Variants in MGRN1 observed in about 807,000 individuals in gnomAD.
MGRN1 encodes mahogunin ring finger 1.
A neutral mutation model predicts 69.2 loss-of-function variants in MGRN1; 29 were observed. That is an observed-to-expected ratio of 0.42 (90% CI 0.31 to 0.57). The LOEUF is 0.57. Among genes scored for constraint, MGRN1 ranks in the 20% least tolerant of loss-of-function variants. The probability of loss-of-function intolerance (pLI) is 0.15; values close to 1 mark genes in which losing one functional copy is unlikely to be tolerated. For missense variants in MGRN1, 998 were observed against 796.2 expected, an observed-to-expected ratio of 1.25 and a Z score of -3.05; for synonymous variants, 470 against 344.2, an observed-to-expected ratio of 1.37 and a Z score of -4.04.
At chr16:4,674,578 C>CTTTTTTTTTT (rs113342903) in intron 10 of MGRN1, among the ~76,000 whole-genome samples, 1 of 119,018 alleles carries the variant, frequency 8.4e-6, no homozygotes, top group Non-Finnish European at 1.7e-5. Context: ...TGAGCCACCG[C>CTTTTTTTTTT]TTTTTTTTTT....
chr16:4,656,708 C>T (rs1239587306), intron 4 of MGRN1, among the ~76,000 whole-genome samples: 2 of 151,962 alleles, frequency 1.3e-5, no homozygotes, highest in African/African-American at 4.8e-5. Context: ...TGGTGAAACC[C>T]CATCTGTACT....
intron 1 of MGRN1, among the ~76,000 whole-genome samples, chr16:4,646,168 C>T (rs1010402132): frequency 5.3e-5 from 8 of 152,100 alleles, no homozygotes; most frequent in South Asian, 2.1e-4. Flanking sequence ...CGGTGGCTCA[C>T]GCCTGTAATC....
intron 4 of MGRN1, among the ~76,000 whole-genome samples, 163 bp from the exon 5 acceptor site, chr16:4,657,083 G>A (rs569227340): frequency 6.6e-6 from 1 of 152,288 alleles, no homozygotes; most frequent in East Asian, 1.9e-4. Flanking sequence ...GGCCCTGGAA[G>A]GGTGAGGGCC....
chr16:4,682,890 G>T lies in MGRN1; in HGVS notation c.1426G>T (p.Ala476Ser). Residue 476 changes from alanine to serine, a missense_variant, in exon 14 of 17, where the codon GCC becomes TCC. By Grantham distance (99) the Ala-to-Ser change is moderately conservative. Coordinates refer to ENST00000262370, the MANE Select transcript of MGRN1 (RefSeq NM_015246.4). ...GGAGAAGCTCTCCGAGGACGTGGAC[G>T]CCCCTCCCCCACTGGGTGGCGCAGA... ...DEEKLSEDVD[A>S]PPPLGGAELA... 1 of 1,608,944 alleles carries T rather than the reference G, an allele frequency of 6.2e-7. No individual in the cohort carries two copies. Among genetic ancestry groups the T allele is most frequent in the Non-Finnish European group, 8.5e-7 (1 of 1,176,634 alleles).
intron 5 of MGRN1, 128 bp from the exon 6 acceptor site, chr16:4,664,581 G>A: frequency 3.3e-6 from 3 of 896,440 alleles, no homozygotes; most frequent in South Asian, 1.5e-5. Context: ...CCATCTCGAG[G>A]CGTGTCCTCT....
At chr16:4,639,447 G>A (rs1182645428) in intron 1 of MGRN1, among the ~76,000 whole-genome samples, 1 of 152,186 alleles carries the variant, frequency 6.6e-6, no homozygotes. Context: ...ATGGCCTTCA[G>A]GTCAGGGTGC....
chr16:4,681,293 G>C, intron 12 of MGRN1: 3 of 517,162 alleles, frequency 5.8e-6, no homozygotes, highest in Non-Finnish European at 1.0e-5. Context: ...GGCCAGGGCT[G>C]GGGCGGTTCT....
intron 8 of MGRN1, 136 bp from the exon 9 acceptor site, chr16:4,671,255 G>GC: frequency 1.3e-6 from 1 of 756,186 alleles, no homozygotes. Context: ...CCTTCTCCTG[G>GC]CCCCCAGGGG....
chr16:4,673,176 C>G (rs1434222219), intron 9 of MGRN1, among the ~76,000 whole-genome samples: 1 of 152,128 alleles, frequency 6.6e-6, no homozygotes, highest in Non-Finnish European at 1.5e-5. Flanking sequence ...TAACGGGTAC[C>G]CTGACCCTCA....
At chr16:4,641,639 C>T (rs570555715) in intron 1 of MGRN1, among the ~76,000 whole-genome samples, 268 of 152,078 alleles carry the variant, frequency 1.8e-3, no homozygotes, top group African/African-American at 6.0e-3. Context: ...CTGCCTTAGC[C>T]TCCTGAGTAG....
intron 1 of MGRN1, among the ~76,000 whole-genome samples, chr16:4,631,466 A>G (rs1433817738): frequency 6.6e-6 from 1 of 152,244 alleles, no homozygotes; most frequent in African/African-American, 2.4e-5. Context: ...ACATTTGGCC[A>G]TGTCTGGAGA....
At chr16:4,663,156 C>A (rs749947189) in intron 5 of MGRN1, among the ~76,000 whole-genome samples, 1 of 151,668 alleles carries the variant, frequency 6.6e-6, no homozygotes, top group East Asian at 1.9e-4. Flanking sequence ...CTCCGCCTCC[C>A]GATTTCAAGT....
chr16:4,646,646 G>A (rs777834121), intron 1 of MGRN1, among the ~76,000 whole-genome samples: 1 of 152,322 alleles, frequency 6.6e-6, no homozygotes, highest in South Asian at 2.1e-4. Context: ...TTTTCATGCA[G>A]TCTCTGTGGT....
intron 1 of MGRN1, among the ~76,000 whole-genome samples, chr16:4,642,235 A>T (rs1483653314): frequency 6.7e-6 from 1 of 149,824 alleles, no homozygotes; most frequent in African/African-American, 2.5e-5. Context: ...GGTTCGAGAG[A>T]TTCTCCTGTC....
chr16:4,669,534 C>G (rs568775091), intron 8 of MGRN1, among the ~76,000 whole-genome samples: 1 of 151,562 alleles, frequency 6.6e-6, no homozygotes, highest in Admixed American at 6.6e-5. Flanking sequence ...ATATGTTTTG[C>G]GTGCCCGCCA....
In MGRN1 at chr16:4,689,722, C is replaced by T. The variant is rs958808943; in HGVS notation, c.*814C>T. ...CTGCCAGGGAGGACCTGGTGGCCTCCTCATTCTCTTTTGCCATTGGAATGT... is the reference window on the plus strand; with the variant it reads ...CTGCCAGGGAGGACCTGGTGGCCTCTTCATTCTCTTTTGCCATTGGAATGT... On this transcript the variant is annotated 3_prime_UTR_variant, in exon 17 of 17. Transcript: ENST00000262370. 2.0e-5 allele frequency: 3 copies of T among 152,184 alleles called. No homozygotes were observed. Among genetic ancestry groups the T allele is most frequent in the Admixed American group, 6.5e-5 (1 of 15,280 alleles). The allele number at this position is 152,184 out of a possible 1,614,324, so 9.4% of individuals were successfully genotyped here. A position where few individuals can be genotyped will look rare whatever the true frequency, so the allele number is the denominator to read the frequency against.
intron 10 of MGRN1, among the ~76,000 whole-genome samples, chr16:4,675,855 T>A (rs977124828): frequency 2.0e-4 from 30 of 152,206 alleles, no homozygotes; most frequent in Admixed American, 2.0e-3. Context: ...AAGCCGCTCG[T>A]AGGGCCCCGT....
intron 16 of MGRN1, chr16:4,687,690 T>C: frequency 5.1e-6 from 5 of 985,030 alleles, no homozygotes; most frequent in Non-Finnish European, 6.0e-6. Context: ...TCCCAGAGGG[T>C]CTTGGCACAC....
In MGRN1 at chr16:4,664,730, G is replaced by T. The variant is rs754587543; in HGVS notation, c.583G>T (p.Gly195Cys). The T allele has an allele frequency of 1.2e-6, 2 of 1,614,192 alleles. No homozygotes were observed. Among genetic ancestry groups the T allele is most frequent in the Non-Finnish European group, 1.7e-6 (2 of 1,180,032 alleles). ...DDELNFDLDR[G>C]VFPVVIQAVV... ...TCAGCTGAACTTTGACCTGGACCGG[G>T]GCGTGTTTCCAGTAGTCATCCAGGC... The change falls in exon 6 of 17, where the codon GGC becomes TGC. Residue 195 changes from glycine (G) to cysteine (C), a missense_variant. By Grantham distance (159) the Gly-to-Cys change is radical (BLOSUM62 -3). Transcript: ENST00000262370.
Sources: allele counts gnomAD v4.1 joint callset (sites outside exome capture counted in the v4.1 genomes callset), GRCh38; gene constraint gnomAD v4.1.1; transcripts MANE v1.5; gene names NCBI Gene and HGNC (gene_info 2026-07-23, HGNC 2026-07-21).